SRGAP3: variants seen among roughly 807,000 people sequenced by gnomAD.
SRGAP3 encodes the protein SLIT-ROBO Rho GTPase activating protein 3.
In SRGAP3, 39 loss-of-function variants were observed where a neutral mutation model predicts 121.1. That is an observed-to-expected ratio of 0.32 (90% confidence interval 0.25 to 0.42). The LOEUF is 0.42. SRGAP3 is among the 10% of genes least tolerant of loss of function. The pLI is 1.00. For missense variants in SRGAP3, 1,213 were observed against 1,470.6 expected (o/e 0.82, Z 2.86); for synonymous variants, 601 against 570.0 (o/e 1.05, Z -0.77).
rs145112739 is a variant in SRGAP3 at position 9,075,184 on chromosome 3, C to G, written c.486+4841G>C. Among the ~76,000 whole-genome samples the G allele has an allele frequency of 3.3e-5, 5 of 152,260 alleles. No individual in the cohort carries two copies. The East Asian group carries it at 9.6e-4, about 29-fold the overall frequency. On this transcript the variant is annotated intron_variant, in intron 4 of 21. Coordinates refer to ENST00000383836, the MANE Select transcript of SRGAP3 (RefSeq NM_014850.4). ...CTGGTCCACGTTCTTTACCTCTGCC[C>G]TTTTTTTCTCCCAGGCCAATACATG...
chr3:9,338,980 T>TA (rs1217873698), intron 1 of SRGAP3, among the ~76,000 whole-genome samples: 1 of 152,224 alleles, frequency 6.6e-6, no homozygotes, highest in African/African-American at 2.4e-5. Flanking sequence ...AGCTAGTACT[T>TA]ACGAAAATAT....
intron 4 of SRGAP3, among the ~76,000 whole-genome samples, chr3:9,074,348 C>A (rs1194805525): frequency 1.3e-5 from 2 of 152,194 alleles, no homozygotes; most frequent in Admixed American, 6.5e-5. Context: ...ATAATCCAGA[C>A]AAATGAACTG....
At chr3:9,293,036 GA>G (rs899229477) in intron 3 of SRGAP3, 5 of 141,116 alleles carry the variant, frequency 3.5e-5, no homozygotes, top group African/African-American at 7.6e-5. Context: ...AAGAAAGAAA[GA>G]AAAAAGAAAA....
chr3:9,293,955 C>A (rs1954909809), intron 3 of SRGAP3, among the ~76,000 whole-genome samples: 1 of 152,154 alleles, frequency 6.6e-6, no homozygotes, highest in African/African-American at 2.4e-5. Context: ...AAAGAAACAC[C>A]ATTCAACCCA....
intron 1 of SRGAP3, among the ~76,000 whole-genome samples, chr3:9,139,313 G>A (rs1042907436): frequency 3.9e-5 from 6 of 152,154 alleles, no homozygotes; most frequent in African/African-American, 7.2e-5. Flanking sequence ...AAAAAAGGAC[G>A]TTGCAGATGT....
At chr3:9,233,419 A>G (rs1026566332) in intron 1 of SRGAP3, among the ~76,000 whole-genome samples, 1 of 152,206 alleles carries the variant, frequency 6.6e-6, no homozygotes, top group Non-Finnish European at 1.5e-5. Flanking sequence ...AATCTTCTTC[A>G]GCTGATTCCT....
At chr3:9,033,352 C>T (rs1944585956) in intron 11 of SRGAP3, 1 of 154,928 alleles carries the variant, frequency 6.5e-6, no homozygotes, top group African/African-American at 2.4e-5. Flanking sequence ...TCTTTGGGGT[C>T]CCTGGGTGAC....
Position 9,023,683 on chromosome 3 carries a change from C to T in SRGAP3, c.1678+1578G>A, listed in dbSNP as rs1332936816. Among the ~76,000 whole-genome samples, 4 of 152,158 alleles carry T rather than the reference C, an allele frequency of 2.6e-5. No individual in the cohort carries two copies. In the South Asian group the frequency reaches 8.3e-4, roughly 32 times the overall value. ...GTTTTGTTCATATTGCATTTCCAGG[C>T]CCTTGTCCATTACCTTGTATGGTAT... On this transcript the variant is annotated intron_variant, in intron 14 of 21. Transcript: ENST00000383836.
chr3:9,278,433 A>T (rs1954620887), intron 3 of SRGAP3, among the ~76,000 whole-genome samples: 1 of 152,248 alleles, frequency 6.6e-6, no homozygotes, highest in African/African-American at 2.4e-5. Context: ...CTCACCAGCC[A>T]AGTGTGCATG....
chr3:8,987,703 G>A (rs1034898851), intron 21 of SRGAP3, among the ~76,000 whole-genome samples: 10 of 146,624 alleles, frequency 6.8e-5, no homozygotes, highest in African/African-American at 2.8e-4. Context: ...TCTCCAGGAT[G>A]TTTCATCCGT....
chr3:9,058,341 G>T lies in SRGAP3; in HGVS notation c.933C>A (p.Ser311=). 1.2e-6 allele frequency: 2 copies of T among 1,614,230 alleles called. No homozygotes were observed. The highest frequency in any genetic ancestry group is 1.7e-6 in the Non-Finnish European group (2 of 1,180,032). ...VIENAVDNLD[S]RSDKHTVMDM... ...CCATGACTGTGTGCTTGTCACTTCG[G>T]GAATCCAGGTTGTCCACTGCATTCT... The change falls in exon 7 of 22, where the codon TCC becomes TCA. Residue 311 remains serine, a synonymous_variant. Coordinates refer to ENST00000383836, the MANE Select transcript of SRGAP3 (RefSeq NM_014850.4).
chr3:9,000,242 C>T (rs1028687835), intron 18 of SRGAP3, among the ~76,000 whole-genome samples: 26 of 152,230 alleles, frequency 1.7e-4, no homozygotes, highest in Non-Finnish European at 2.9e-4. Context: ...TTCTTTCACA[C>T]AACCCCTACT....
intron 2 of SRGAP3, 136 bp from the exon 3 acceptor site, chr3:9,104,978 G>T: frequency 9.2e-7 from 1 of 1,087,136 alleles, no homozygotes; most frequent in Non-Finnish European, 1.4e-6. Context: ...ACCTTATACA[G>T]TTGGGGAAAC....
intron 2 of SRGAP3, 34 bp from the exon 3 acceptor site, chr3:9,104,876 T>C (rs770515517): frequency 7.4e-6 from 12 of 1,613,706 alleles, no homozygotes; most frequent in South Asian, 1.1e-5. Context: ...GTTGGCTACA[T>C]TGGAACTGTC....
chr3:9,344,641 AAAACAAAAAAAAAG>A, intron 1 of SRGAP3, among the ~76,000 whole-genome samples: 1 of 89,578 alleles, frequency 1.1e-5, no homozygotes. Flanking sequence ...TCAAAAACAA[AAAACAAAAAAAAAG>A]AAAGAAAGAA....
At chr3:9,327,636 T>G (rs900381417) in intron 2 of SRGAP3, among the ~76,000 whole-genome samples, 1 of 152,228 alleles carries the variant, frequency 6.6e-6, no homozygotes, top group Non-Finnish European at 1.5e-5. Flanking sequence ...AGATAAGGTC[T>G]GACTCTTTCC....
At chr3:9,201,198 G>A (rs915585680) in intron 1 of SRGAP3, among the ~76,000 whole-genome samples, 2 of 152,102 alleles carry the variant, frequency 1.3e-5, no homozygotes, top group African/African-American at 4.8e-5. Context: ...AGCCAACCAT[G>A]CCCCACACTT....
At chr3:9,257,698 C>T (rs1403726763) in intron 3 of SRGAP3, among the ~76,000 whole-genome samples, 30 of 73,236 alleles carry the variant, frequency 4.1e-4, no homozygotes, top group South Asian at 6.8e-4. Context: ...AAAATAGCTC[C>T]TTTTTTTTTT....
chr3:9,179,980 C>T (rs1288271408), intron 1 of SRGAP3, among the ~76,000 whole-genome samples: 1 of 152,254 alleles, frequency 6.6e-6, no homozygotes, highest in African/African-American at 2.4e-5. Context: ...AGCCACACTG[C>T]CTTCCAGGCT....
Sources: allele counts gnomAD v4.1 joint callset (sites outside exome capture counted in the v4.1 genomes callset), GRCh38; gene constraint gnomAD v4.1.1; transcripts MANE v1.5; gene names NCBI Gene and HGNC (gene_info 2026-07-23, HGNC 2026-07-21).